The following QSOX2 variants were observed in gnomAD, a reference collection of about 807,000 sequenced individuals.
QSOX2 encodes quiescin sulfhydryl oxidase 2.
Under a neutral mutation model 61.7 loss-of-function variants are expected in QSOX2, and 46 were observed. The observed-to-expected ratio is 0.75, with a 90% CI of 0.59 to 0.95. The LOEUF is 0.95. Ranked by LOEUF, QSOX2 falls within the 40% of genes least tolerant of loss-of-function variation. The pLI is 0.00. For synonymous variants in QSOX2, 383 were observed against 388.4 expected, an observed-to-expected ratio of 0.99 and a Z score of 0.16; for missense variants, 879 against 918.9, an observed-to-expected ratio of 0.96 and a Z score of 0.56.
At position 136,220,486 on chromosome 9, in the gene QSOX2, C is replaced by T. The variant is rs557532702; in HGVS notation, c.821+1310G>A. On this transcript the variant is annotated intron_variant, in intron 6 of 11. Coordinates refer to ENST00000358701, the MANE Select transcript of QSOX2 (RefSeq NM_181701.4). ...TGCTGTGTCCCTGCACCTCGGAGCC[C>T]GGCGTGGTGAGTCACCAAGAGCCGC... Among the ~76,000 whole-genome samples, 5 of 152,324 alleles carry T rather than the reference C, an allele frequency of 3.3e-5. No homozygotes were observed. The Middle Eastern group carries it at 0.01, about 311-fold the overall frequency.
intron 1 of QSOX2, among the ~76,000 whole-genome samples, chr9:136,234,390 A>G (rs1830359244): frequency 6.6e-6 from 1 of 152,104 alleles, no homozygotes; most frequent in African/African-American, 2.4e-5. Flanking sequence ...AAGTTGTCTG[A>G]GGGTCAACTG....
chr9:136,233,494 G>C (rs1830350848), intron 1 of QSOX2, among the ~76,000 whole-genome samples: 1 of 152,212 alleles, frequency 6.6e-6, no homozygotes, highest in African/African-American at 2.4e-5. Flanking sequence ...GAGGAAACAT[G>C]ATGACAGCTG....
Position 136,209,312 on chromosome 9 carries a change from G to A in QSOX2, c.1550-37C>T. 1 of 1,595,472 alleles carries A rather than the reference G, an allele frequency of 6.3e-7. No homozygotes were observed. The highest frequency in any genetic ancestry group is 1.7e-5 in the Admixed American group (1 of 58,852). On this transcript the variant is annotated intron_variant, in intron 11 of 11. Coordinates refer to ENST00000358701, the MANE Select transcript of QSOX2 (RefSeq NM_181701.4). The surrounding 1 kb of genome is among the most constrained non-coding windows in gnomAD (Gnocchi z 5.6). ...AGGAAGCGGGAGAGCCAGAGGGAAG[G>A]AGGCTTTGTGCAGCCACGTGCAGCG...
Position 136,209,968 on chromosome 9 carries a change from G to T in QSOX2, c.1550-693C>A, listed in dbSNP as rs1831826127. ...TCTCGGAGCCCCTGCGACCCGACTTGCTGACACCTGGCCACCCTCACAGAG... is the reference window on the plus strand; with the variant it reads ...TCTCGGAGCCCCTGCGACCCGACTTTCTGACACCTGGCCACCCTCACAGAG... On this transcript the variant is annotated intron_variant, in intron 11 of 11. Coordinates refer to ENST00000358701, the MANE Select transcript of QSOX2 (RefSeq NM_181701.4). The surrounding 1 kb of genome is among the most constrained non-coding windows in gnomAD (Gnocchi z 5.6). 1 of 985,418 alleles carries T rather than the reference G, an allele frequency of 1.0e-6. No individual in the cohort carries two copies. The highest frequency in any genetic ancestry group is 4.7e-5 in the South Asian group (1 of 21,290). The allele number at this position is 985,418 out of a possible 1,614,324, so 61.0% of individuals were successfully genotyped here. A position where few individuals can be genotyped will look rare whatever the true frequency, so the allele number is the denominator to read the frequency against.
At position 136,223,955 on chromosome 9, in the gene QSOX2, T is replaced by C. The variant is rs920303929; in HGVS notation, c.584+52A>G. 6.3e-7 allele frequency: 1 copy of C among 1,582,548 alleles called. No individual in the cohort carries two copies. The highest frequency in any genetic ancestry group is 1.3e-5 in the African/African-American group (1 of 74,214). On this transcript the variant is annotated intron_variant, in intron 4 of 11. Transcript: ENST00000358701. This position sits in a 1 kb window ranked among gnomAD's most constrained non-coding sequence, Gnocchi z 4.4. ...ACTTAATAGAAACCTATTACGTTTCTTGCACAGTTCAACACGAGTCTAACG... is the reference window on the plus strand; with the variant it reads ...ACTTAATAGAAACCTATTACGTTTCCTGCACAGTTCAACACGAGTCTAACG...
At chr9:136,228,634 G>GC (rs1232476564) in intron 1 of QSOX2, among the ~76,000 whole-genome samples, 3 of 152,186 alleles carry the variant, frequency 2.0e-5, no homozygotes, top group Non-Finnish European at 2.9e-5. Context: ...GGCAGGGCAC[G>GC]CCGCACCGTG....
At position 136,211,356 on chromosome 9, in the gene QSOX2, A is replaced by G. The variant is rs758853181; in HGVS notation, c.1457T>C (p.Met486Thr). 5.0e-6 allele frequency: 8 copies of G among 1,614,078 alleles called. No homozygotes were observed. In the Admixed American group the frequency reaches 1.2e-4, roughly 24 times the overall value. Residue 486 changes from methionine (M) to threonine (T), a missense_variant, in exon 11 of 12, where the codon ATG becomes ACG. Physicochemically the swap from Met to Thr is moderately conservative, Grantham distance 81. Coordinates refer to ENST00000358701, the MANE Select transcript of QSOX2 (RefSeq NM_181701.4). ...CKECGEHFEE[M>T]AKESMDSVKT... ...CACCGAGTCCATGGATTCTTTAGCC[A>G]TTTCCTCAAAGTGCTCACCACATTC...
intron 1 of QSOX2, among the ~76,000 whole-genome samples, chr9:136,232,539 T>C (rs905797784): frequency 1.3e-5 from 2 of 152,088 alleles, no homozygotes; most frequent in Non-Finnish European, 2.9e-5. Flanking sequence ...TATATACAAA[T>C]CTATTATAAA....
chr9:136,219,291 G>A, intron 6 of QSOX2, 127 bp from the exon 7 acceptor site: 2 of 1,204,784 alleles, frequency 1.7e-6, no homozygotes, highest in East Asian at 5.1e-5. Context: ...GGGCATGGGA[G>A]TCAGTGGGAA....
At chr9:136,241,364 T>G (rs1341578406) in intron 1 of QSOX2, among the ~76,000 whole-genome samples, 1 of 152,190 alleles carries the variant, frequency 6.6e-6, no homozygotes, top group Non-Finnish European at 1.5e-5. Flanking sequence ...CCCTTATTGT[T>G]TCTTTTTCCA....
In QSOX2 at chr9:136,206,375, T is replaced by C. The variant is rs1469990441; in HGVS notation, c.*2353A>G. The C allele has an allele frequency of 2.0e-5, 3 of 152,706 alleles. No individual in the cohort carries two copies. The highest frequency in any genetic ancestry group is 1.3e-4 in the Admixed American group (2 of 15,290). The allele number at this position is 152,706 out of a possible 1,614,324, so 9.5% of individuals were successfully genotyped here. On this transcript the variant is annotated 3_prime_UTR_variant, in exon 12 of 12. Transcript: ENST00000358701. ...TTTCTTTATTAAAATGTGCACATTATAGTTTACTTAAATACAAAATGTTCA... is the reference window on the plus strand; with the variant it reads ...TTTCTTTATTAAAATGTGCACATTACAGTTTACTTAAATACAAAATGTTCA...
intron 6 of QSOX2, among the ~76,000 whole-genome samples, chr9:136,219,756 A>C (rs1223676661): frequency 1.3e-5 from 2 of 152,254 alleles, no homozygotes; most frequent in Non-Finnish European, 2.9e-5. Context: ...TTGTTTCCAA[A>C]GACAGAATGT....
chr9:136,242,196 G>GA (rs1830438492), intron 1 of QSOX2, among the ~76,000 whole-genome samples: 1 of 152,192 alleles, frequency 6.6e-6, no homozygotes, highest in Non-Finnish European at 1.5e-5. Flanking sequence ...CTTCTTATAA[G>GA]AAAAAACATT....
intron 2 of QSOX2, among the ~76,000 whole-genome samples, chr9:136,225,462 G>A (rs1428938411): frequency 2.6e-5 from 4 of 152,258 alleles, no homozygotes; most frequent in African/African-American, 9.6e-5. Flanking sequence ...GCAGATGACA[G>A]GAAGACACTT....
intron 2 of QSOX2, among the ~76,000 whole-genome samples, chr9:136,226,164 G>A (rs1023997117): frequency 1.5e-4 from 23 of 152,230 alleles, no homozygotes; most frequent in African/African-American, 5.5e-4. Context: ...AGCTTCCCAG[G>A]AAGTGGGCCC....
In QSOX2 at chr9:136,219,100, A is replaced by G. The variant is rs549217646; in HGVS notation, c.886T>C (p.Ser296Pro). ...TGTGGCTTTTCAGGCAAGGGAAGCG[A>G]TTTTTTCCTCACATCCGGCAATGAC... The part of the protein sequence containing the change: ...LKSLPDVRKK[S>P]LPLPEKPHKE... Residue 296 changes from serine to proline, a missense_variant, in exon 7 of 12, where the codon TCG becomes CCG. Ser to Pro is a moderately conservative substitution (Grantham distance 74). Coordinates refer to ENST00000358701, the MANE Select transcript of QSOX2 (RefSeq NM_181701.4). 9.4e-5 allele frequency: 151 copies of G among 1,613,988 alleles called. 5 individuals carry two copies. In the South Asian group the frequency reaches 1.6e-3, roughly 17 times the overall value.
At chr9:136,210,302 G>A in intron 11 of QSOX2, 2 of 985,486 alleles carry the variant, frequency 2.0e-6, no homozygotes, top group Non-Finnish European at 2.4e-6. Context: ...ACTGGAGTGG[G>A]AATCTCAGGA....
rs1251799188 is a variant in QSOX2, at chr9:136,221,726, T to C, written c.821+70A>G. The C allele has an allele frequency of 1.4e-6, 2 of 1,476,424 alleles. No homozygotes were observed. The highest frequency in any genetic ancestry group is 2.8e-5 in the African/African-American group (2 of 70,828). 91.5% of individuals were successfully genotyped at this position (1,476,424 alleles called of 1,614,324 possible). ...CCCCGATCTCACACCAGACTTGCAC[T>C]GTCTACTCGGAGCCTCTGTCCGGTA... On this transcript the variant is annotated intron_variant, in intron 6 of 11. Transcript: ENST00000358701. The surrounding 1 kb of genome is among the most constrained non-coding windows in gnomAD (Gnocchi z 4.5).
At chr9:136,213,573 C>T (rs1314254658) in intron 10 of QSOX2, among the ~76,000 whole-genome samples, 2 of 151,406 alleles carry the variant, frequency 1.3e-5, no homozygotes, top group African/African-American at 2.4e-5. Context: ...TCTCCCCCAA[C>T]CAGACCCCCG....
Sources: gnomAD v4.1 joint callset for allele counts (sites outside exome capture counted in the v4.1 genomes callset) on GRCh38, gnomAD v4.1.1 for gene constraint, Gnocchi (gnomAD v3.1) non-coding constraint, MANE v1.5 for transcripts, NCBI Gene and HGNC (gene_info 2026-07-23, HGNC 2026-07-21) for gene names.